The following EVA1C variants were observed in gnomAD, a reference collection of about 807,000 sequenced individuals.
EVA1C encodes protein eva-1 homolog C.
In EVA1C, 25 loss-of-function variants were observed where a neutral mutation model predicts 45.4. The observed-to-expected ratio is 0.55, with a 90% CI of 0.40 to 0.77. The LOEUF (loss-of-function observed/expected upper bound fraction) is 0.77. EVA1C is among the 30% of genes least tolerant of loss of function. The pLI is 0.00. For synonymous variants in EVA1C, 190 were observed against 221.2 expected (o/e 0.86, Z 1.25); for missense variants, 479 against 554.8 (o/e 0.86, Z 1.37).
chr21:32,419,950 T>C (rs969842720), intron 1 of EVA1C, among the ~76,000 whole-genome samples: 4 of 152,188 alleles, frequency 2.6e-5, no homozygotes, highest in African/African-American at 9.7e-5. Flanking sequence ...ATTTTAGTAC[T>C]GGAAAAAGAA....
At position 32,514,197 on chromosome 21, in the gene EVA1C, G is replaced by A. The variant is rs547747279; in HGVS notation, c.950-617G>A. On this transcript the variant is annotated intron_variant, in intron 7 of 7. Coordinates refer to ENST00000300255, the MANE Select transcript of EVA1C (RefSeq NM_058187.5). The stretch of plus-strand genomic sequence containing the variant: ...AGGGGTCCTGGAACCAGTCCCCCAC[G>A]GGTACCAAGGGATGACTGTATATTT... 8.5e-5 allele frequency among the ~76,000 whole-genome samples: 13 copies of A among 152,216 alleles called. No individual in the cohort carries two copies. In the East Asian group the frequency reaches 1.9e-3, roughly 23 times the overall value.
intron 1 of EVA1C, among the ~76,000 whole-genome samples, chr21:32,418,346 C>T (rs1484034800): frequency 6.6e-6 from 1 of 152,160 alleles, no homozygotes; most frequent in Non-Finnish European, 1.5e-5. Flanking sequence ...CATCTGTTTC[C>T]ATGGAAAGTG....
chr21:32,431,564 C>T (rs1888448), intron 1 of EVA1C, among the ~76,000 whole-genome samples: 1 of 152,040 alleles, frequency 6.6e-6, no homozygotes, highest in East Asian at 1.9e-4. Flanking sequence ...TCATGCAGAG[C>T]TTCTGAGATG....
At chr21:32,463,683 A>C (rs1244107011) in intron 3 of EVA1C, among the ~76,000 whole-genome samples, 2 of 152,174 alleles carry the variant, frequency 1.3e-5, no homozygotes, top group African/African-American at 4.8e-5. Context: ...GGCTTTAATA[A>C]ATCAAAGAGA....
At chr21:32,441,102 C>CA (rs1037872577) in intron 1 of EVA1C, among the ~76,000 whole-genome samples, 2 of 151,862 alleles carry the variant, frequency 1.3e-5, no homozygotes, top group East Asian at 1.9e-4. Context: ...AACTCCCTCT[C>CA]AAAAAAAAGA....
At chr21:32,485,394 C>T (rs1048483514) in intron 4 of EVA1C, among the ~76,000 whole-genome samples, 14 of 152,146 alleles carry the variant, frequency 9.2e-5, no homozygotes, top group African/African-American at 3.1e-4. Flanking sequence ...GTCTCGAACT[C>T]CTGACCTCAG....
At chr21:32,501,997 T>C (rs1217450565) in intron 6 of EVA1C, among the ~76,000 whole-genome samples, 3 of 27,754 alleles carry the variant, frequency 1.1e-4, no homozygotes, top group African/African-American at 3.7e-4. Flanking sequence ...TCTTTCTTTC[T>C]TTCTTTCTTT....
intron 1 of EVA1C, among the ~76,000 whole-genome samples, chr21:32,439,562 G>T (rs1397287005): frequency 6.6e-6 from 1 of 152,176 alleles, no homozygotes; most frequent in Admixed American, 6.5e-5. Flanking sequence ...CCAAAGAAGG[G>T]GAAACTGAGA....
chr21:32,432,951 T>C (rs1300321356), intron 1 of EVA1C, among the ~76,000 whole-genome samples: 1 of 152,238 alleles, frequency 6.6e-6, no homozygotes, highest in Non-Finnish European at 1.5e-5. Context: ...AGGCTGATCT[T>C]GAACTCTTGG....
intron 1 of EVA1C, among the ~76,000 whole-genome samples, chr21:32,444,682 C>G (rs192739732): frequency 6.6e-6 from 1 of 152,278 alleles, no homozygotes; most frequent in Admixed American, 6.5e-5. Flanking sequence ...ACCAATATAA[C>G]CTTCAGTTCC....
At chr21:32,451,530 C>T (rs2035580146) in intron 1 of EVA1C, among the ~76,000 whole-genome samples, 1 of 152,160 alleles carries the variant, frequency 6.6e-6, no homozygotes, top group African/African-American at 2.4e-5. Flanking sequence ...TGACTGGCTG[C>T]CTGTCTTATT....
intron 4 of EVA1C, among the ~76,000 whole-genome samples, chr21:32,473,320 TCCCTGCTACTG>T (rs1326604230): frequency 2.0e-5 from 3 of 152,196 alleles, no homozygotes; most frequent in African/African-American, 4.8e-5. Flanking sequence ...TCCTCCCTTC[TCCCTGCTACTG>T]CCTTAGGGAA....
chr21:32,465,567 A>G lies in EVA1C; in HGVS notation c.482-2129A>G, dbSNP rs180962470. ...TTTACAAAATGTTGGCAAGGATAAGAACCACATATGCAAATAAATGACCGT... is the reference window on the plus strand; with the variant it reads ...TTTACAAAATGTTGGCAAGGATAAGGACCACATATGCAAATAAATGACCGT... On this transcript the variant is annotated intron_variant, in intron 3 of 7. Coordinates refer to ENST00000300255, the MANE Select transcript of EVA1C (RefSeq NM_058187.5). 5.8e-4 allele frequency among the ~76,000 whole-genome samples: 88 copies of G among 152,328 alleles called. 1 individual carries two copies. Among genetic ancestry groups the G allele is most frequent in the African/African-American group, 2.0e-3 (82 of 41,588 alleles).
At chr21:32,444,490 G>A (rs2035296308) in intron 1 of EVA1C, among the ~76,000 whole-genome samples, 1 of 152,164 alleles carries the variant, frequency 6.6e-6, no homozygotes, top group African/African-American at 2.4e-5. Flanking sequence ...TACAGATGAA[G>A]AGACACATAG....
chr21:32,474,821 G>C lies in EVA1C; in HGVS notation c.634+6973G>C, dbSNP rs760524000. On this transcript the variant is annotated intron_variant, in intron 4 of 7. Coordinates refer to ENST00000300255, the MANE Select transcript of EVA1C (RefSeq NM_058187.5). This position sits in a 1 kb window ranked among gnomAD's most constrained non-coding sequence, Gnocchi z 4.4. ...ACAGCTTCCAACCTCATGGGATGCT[G>C]GAAATCTGGATTTTCTTTTTTTCTA... Among the ~76,000 whole-genome samples the C allele has an allele frequency of 1.3e-5, 2 of 152,190 alleles. No homozygotes were observed. Among genetic ancestry groups the C allele is most frequent in the African/African-American group, 2.4e-5 (1 of 41,460 alleles).
chr21:32,510,112 G>T (rs1258774407), intron 7 of EVA1C, among the ~76,000 whole-genome samples: 2 of 142,938 alleles, frequency 1.4e-5, no homozygotes, highest in Admixed American at 7.2e-5. Context: ...AGTGGTGTGT[G>T]ATCTTGGCTC....
At position 32,498,315 on chromosome 21, in the gene EVA1C, G is replaced by A. The variant is rs1411573027; in HGVS notation, c.779-3100G>A. ...TACAAAATTATCTGGGCATGATGGC[G>A]CATGCCTGTAATCCCAGCTACTTGG... On this transcript the variant is annotated intron_variant, in intron 5 of 7. Coordinates refer to ENST00000300255, the MANE Select transcript of EVA1C (RefSeq NM_058187.5). Among the ~76,000 whole-genome samples, 3 of 151,948 alleles carry A rather than the reference G, an allele frequency of 2.0e-5. No homozygotes were observed. The South Asian group carries it at 6.2e-4, about 32-fold the overall frequency.
At chr21:32,468,807 T>C (rs956200300) in intron 4 of EVA1C, among the ~76,000 whole-genome samples, 2 of 152,212 alleles carry the variant, frequency 1.3e-5, no homozygotes, top group Non-Finnish European at 2.9e-5. Flanking sequence ...TTAATCTCTT[T>C]TGGCAACACC....
At chr21:32,457,974 C>A (rs1246291940) in intron 3 of EVA1C, among the ~76,000 whole-genome samples, 1 of 152,212 alleles carries the variant, frequency 6.6e-6, no homozygotes, top group African/African-American at 2.4e-5. Context: ...TTTAAAAATC[C>A]TTTCCAATAT....
Sources: allele counts gnomAD v4.1 joint callset (sites outside exome capture counted in the v4.1 genomes callset), GRCh38; gene constraint gnomAD v4.1.1; non-coding constraint Gnocchi (gnomAD v3.1); transcripts MANE v1.5; gene names NCBI Gene and HGNC (gene_info 2026-07-23, HGNC 2026-07-21).